Variants in FHOD3 observed in about 807,000 individuals in gnomAD.
FHOD3 encodes the protein formin homology 2 domain containing 3.
In FHOD3, 90 loss-of-function variants were observed where a neutral mutation model predicts 173.0. The ratio of observed to expected loss-of-function variants is 0.52; its 90% CI spans 0.44 to 0.62. FHOD3 has a LOEUF of 0.62. Ranked by LOEUF, FHOD3 falls within the 20% of genes least tolerant of loss-of-function variation. The pLI is 0.00. For missense variants in FHOD3, 1,945 were observed against 2,034.7 expected (o/e 0.96, Z 0.85); for synonymous variants, 828 against 823.0 (o/e 1.01, Z -0.10).
chr18:36,455,753 G>A (rs1466819545), intron 3 of FHOD3, among the ~76,000 whole-genome samples: 3 of 152,124 alleles, frequency 2.0e-5, no homozygotes, highest in Non-Finnish European at 4.4e-5. Flanking sequence ...AGTCTTTACT[G>A]CACATGCTTT....
chr18:36,740,913 C>A, intron 21 of FHOD3, 75 bp downstream of exon 21: 1 of 1,382,750 alleles, frequency 7.2e-7, no homozygotes, highest in Non-Finnish European at 9.9e-7. Flanking sequence ...TTGATCAGTA[C>A]TAAGGCAGTG....
intron 25 of FHOD3, among the ~76,000 whole-genome samples, chr18:36,757,258 T>C (rs1005519458): frequency 2.0e-5 from 3 of 152,236 alleles, no homozygotes; most frequent in African/African-American, 7.2e-5. Flanking sequence ...ATTCTCAGCC[T>C]AGTCCATGTT....
chr18:36,624,708 A>G (rs2033967422), intron 9 of FHOD3, among the ~76,000 whole-genome samples: 1 of 151,550 alleles, frequency 6.6e-6, no homozygotes, highest in Non-Finnish European at 1.5e-5. Context: ...GGTAAGAAAG[A>G]GTATGGGACC....
intron 6 of FHOD3, 108 bp downstream of exon 6, chr18:36,576,653 G>T: frequency 1.3e-6 from 1 of 766,292 alleles, no homozygotes; most frequent in Non-Finnish European, 2.1e-6. Context: ...CTTTTTTCAA[G>T]CCGTTACAGT....
chr18:36,547,386 C>T (rs142025943), intron 5 of FHOD3, among the ~76,000 whole-genome samples: 83 of 151,868 alleles, frequency 5.5e-4, no homozygotes, highest in Middle Eastern at 6.8e-3. Context: ...AAAGTAAAAC[C>T]AAAAAAATTC....
chr18:36,580,346 G>A (rs2058803263), intron 6 of FHOD3, among the ~76,000 whole-genome samples: 1 of 152,160 alleles, frequency 6.6e-6, no homozygotes, highest in African/African-American at 2.4e-5. Context: ...CCAAAGGCAG[G>A]TCTAGAATAG....
chr18:36,542,964 G>C (rs1172446704), intron 5 of FHOD3, among the ~76,000 whole-genome samples: 3 of 152,190 alleles, frequency 2.0e-5, no homozygotes, highest in African/African-American at 7.2e-5. Flanking sequence ...TTCTGTGGGG[G>C]TGTTTTTGGA....
Position 36,611,222 on chromosome 18 carries a change from A to G in FHOD3, c.814-730A>G, listed in dbSNP as rs73948086. Among the ~76,000 whole-genome samples the G allele has an allele frequency of 5.3e-3, 812 of 152,332 alleles. 10 individuals are homozygous for G. Among genetic ancestry groups the G allele is most frequent in the African/African-American group, 0.019 (773 of 41,574 alleles). ...TTGTTGGTGTATGGATCTTAACAGG[A>G]GTTTCTAATTACAAAGTAGGTTAGT... On this transcript the variant is annotated intron_variant, in intron 8 of 28. Coordinates refer to ENST00000590592, the MANE Select transcript of FHOD3 (RefSeq NM_001281740.3).
chr18:36,625,282 G>T (rs75989574), intron 9 of FHOD3, among the ~76,000 whole-genome samples: 1 of 152,100 alleles, frequency 6.6e-6, no homozygotes, highest in Admixed American at 6.5e-5. Flanking sequence ...TGCCCGCTTC[G>T]TGTCTGTTTG....
chr18:36,699,565 A>G (rs1330959152), intron 17 of FHOD3, among the ~76,000 whole-genome samples: 1 of 152,200 alleles, frequency 6.6e-6, no homozygotes, highest in African/African-American at 2.4e-5. Context: ...AGCAAAGGAG[A>G]ATAACTCTGG....
chr18:36,728,592 G>A (rs1481663708), intron 19 of FHOD3, among the ~76,000 whole-genome samples: 1 of 144,614 alleles, frequency 6.9e-6, no homozygotes, highest in Non-Finnish European at 1.5e-5. Flanking sequence ...TTGTTGTTGG[G>A]TTTTTTTTTT....
chr18:36,483,349 C>T (rs562820113), intron 3 of FHOD3, among the ~76,000 whole-genome samples: 1 of 152,288 alleles, frequency 6.6e-6, no homozygotes, highest in South Asian at 2.1e-4. Context: ...CACAGTCGGG[C>T]TCAGCCAGAT....
At chr18:36,729,332 GCCACCT>G (rs2041235684) in intron 19 of FHOD3, among the ~76,000 whole-genome samples, 1 of 152,194 alleles carries the variant, frequency 6.6e-6, no homozygotes, top group African/African-American at 2.4e-5. Flanking sequence ...GCCCCCAGGT[GCCACCT>G]GCACCCAACT....
intron 5 of FHOD3, among the ~76,000 whole-genome samples, chr18:36,553,429 G>T (rs934027119): frequency 6.6e-6 from 1 of 152,172 alleles, no homozygotes; most frequent in Admixed American, 6.5e-5. Context: ...GTAGAATTCG[G>T]CTGTGAATCC....
intron 18 of FHOD3, chr18:36,711,252 T>C (rs1041365991): frequency 3.9e-5 from 6 of 152,242 alleles, no homozygotes; most frequent in African/African-American, 1.2e-4. Context: ...TATGTCATTA[T>C]AGCTCTTGCT....
chr18:36,631,855 T>C (rs1235062479), intron 10 of FHOD3, among the ~76,000 whole-genome samples: 1 of 152,242 alleles, frequency 6.6e-6, no homozygotes, highest in Non-Finnish European at 1.5e-5. Context: ...AAATGGACAC[T>C]GCTGTATTTA....
At chr18:36,552,736 G>T (rs2057713081) in intron 5 of FHOD3, among the ~76,000 whole-genome samples, 1 of 151,992 alleles carries the variant, frequency 6.6e-6, no homozygotes. Flanking sequence ...CTAACCTCAT[G>T]ATCCACCCGC....
intron 3 of FHOD3, among the ~76,000 whole-genome samples, chr18:36,461,352 A>G (rs1370720583): frequency 6.6e-6 from 1 of 151,966 alleles, no homozygotes; most frequent in Non-Finnish European, 1.5e-5. Context: ...TTTTCATTCC[A>G]TTCTCACCCT....
At chr18:36,735,855 T>C (rs1288496109) in intron 20 of FHOD3, among the ~76,000 whole-genome samples, 1 of 152,234 alleles carries the variant, frequency 6.6e-6, no homozygotes, top group African/African-American at 2.4e-5. Flanking sequence ...CATTATAGTT[T>C]CATGTGCAGG....
Sources: gnomAD v4.1 joint callset for allele counts (sites outside exome capture counted in the v4.1 genomes callset) on GRCh38, gnomAD v4.1.1 for gene constraint, MANE v1.5 for transcripts, NCBI Gene and HGNC (gene_info 2026-07-23, HGNC 2026-07-21) for gene names.